Variants in SERPINB6 observed in about 807,000 individuals in gnomAD.
SERPINB6 encodes serpin B6.
Under a neutral mutation model 26.1 loss-of-function variants are expected in SERPINB6, and 16 were observed. The observed-to-expected ratio is 0.61, with a 90% CI of 0.42 to 0.93. The LOEUF is 0.93. Among genes scored for constraint, SERPINB6 ranks in the 40% least tolerant of loss-of-function variants. The pLI, the probability that SERPINB6 is intolerant of heterozygous loss-of-function variation, is 0.00. For synonymous variants in SERPINB6, 174 were observed against 176.6 expected (o/e 0.99, Z 0.11); for missense variants, 420 against 478.0 (o/e 0.88, Z 1.13).
chr6:2,968,855 C>T, intron 1 of SERPINB6: 9 of 1,231,238 alleles, frequency 7.3e-6, no homozygotes, highest in Non-Finnish European at 9.1e-6. Context: ...GGATCAGCAG[C>T]TTTTTTGTCC....
chr6:2,953,986 C>T (rs1488584387), intron 4 of SERPINB6, among the ~76,000 whole-genome samples: 2 of 151,900 alleles, frequency 1.3e-5, no homozygotes, highest in African/African-American at 2.4e-5. Context: ...GCCAAGATTG[C>T]ACCATTGCAC....
chr6:2,953,015 C>A (rs760730670), intron 5 of SERPINB6, 29 bp downstream of exon 5: 2 of 1,613,754 alleles, frequency 1.2e-6, no homozygotes, highest in East Asian at 2.2e-5. Flanking sequence ...TGAACACAGG[C>A]GCTGCTCCTG....
At chr6:2,965,344 G>A (rs1022214181) in intron 1 of SERPINB6, among the ~76,000 whole-genome samples, 2 of 152,166 alleles carry the variant, frequency 1.3e-5, no homozygotes, top group African/African-American at 2.4e-5. Flanking sequence ...CTTTCACGCC[G>A]AAGAGAAATG....
chr6:2,948,345 T>A lies in SERPINB6; in HGVS notation c.1084A>T (p.Ser362Cys). 1.2e-6 allele frequency: 2 copies of A among 1,614,106 alleles called. No individual in the cohort carries two copies. Among genetic ancestry groups the A allele is most frequent in the Non-Finnish European group, 1.7e-6 (2 of 1,180,016 alleles). ...CAGAAGAGAATCCCGTTGGTCTTGCTGTGCTGGATGAAGAAAAGGAAGGGG... is the reference window on the plus strand; with the variant it reads ...CAGAAGAGAATCCCGTTGGTCTTGCAGTGCTGGATGAAGAAAAGGAAGGGG... Reference protein sequence around the residue: ...DHPFLFFIQHSKTNGILFCGR... With the variant: ...DHPFLFFIQHCKTNGILFCGR... The change falls in exon 7 of 7, where the codon AGC becomes TGC. Residue 362 changes from serine (S) to cysteine (C), a missense_variant. Ser to Cys is a moderately radical substitution (Grantham distance 112). Coordinates refer to ENST00000380539, the MANE Select transcript of SERPINB6 (RefSeq NM_004568.6). The surrounding 1 kb of genome is among the most constrained non-coding windows in gnomAD (Gnocchi z 5.0).
Position 2,948,803 on chromosome 6 carries a change from T to A in SERPINB6, c.730-104A>T. On this transcript the variant is annotated intron_variant, in intron 6 of 6. Transcript: ENST00000380539. The surrounding 1 kb of genome is among the most constrained non-coding windows in gnomAD (Gnocchi z 5.0). Reference sequence around the variant, plus strand: ...GACACCAGTGGCAGCGTGGCTATGGTCAGCAGCGCTCCAGTGTTAAACGGC... The same window carrying A: ...GACACCAGTGGCAGCGTGGCTATGGACAGCAGCGCTCCAGTGTTAAACGGC... The A allele has an allele frequency of 6.4e-7, 1 of 1,564,468 alleles. No individual in the cohort carries two copies. Among genetic ancestry groups the A allele is most frequent in the East Asian group, 2.2e-5 (1 of 44,638 alleles).
At chr6:2,950,510 G>A (rs1326641872) in intron 5 of SERPINB6, among the ~76,000 whole-genome samples, 7 of 142,684 alleles carry the variant, frequency 4.9e-5, no homozygotes, top group Non-Finnish European at 4.5e-5. Context: ...TCCAGCCTGG[G>A]AGACAGACCG....
At chr6:2,963,743 G>A (rs1771361219) in intron 1 of SERPINB6, 1 of 152,262 alleles carries the variant, frequency 6.6e-6, no homozygotes, top group Non-Finnish European at 1.5e-5. Flanking sequence ...GATAAGCCAT[G>A]TTCCACCCCA....
At chr6:2,959,682 A>T in intron 1 of SERPINB6, 1 of 371,098 alleles carries the variant, frequency 2.7e-6, no homozygotes, top group South Asian at 2.5e-5. Flanking sequence ...TTTTGCTTCT[A>T]TGTTTGTATT....
rs1581223374 is a variant in SERPINB6 at position 2,948,291 on chromosome 6, C to T, written c.*7G>A. ...GAGAGGGGCTGCACACCAAGACTGC[C>T]CTGTCCTCACGGAGAGGAAAAGCGG... On this transcript the variant is annotated 3_prime_UTR_variant, in exon 7 of 7. Transcript: ENST00000380539. The surrounding 1 kb of genome is among the most constrained non-coding windows in gnomAD (Gnocchi z 5.0). 6.2e-7 allele frequency: 1 copy of T among 1,613,104 alleles called. No homozygotes were observed. Among genetic ancestry groups the T allele is most frequent in the Non-Finnish European group, 8.5e-7 (1 of 1,179,944 alleles).
chr6:2,948,713 G>A lies in SERPINB6; in HGVS notation c.730-14C>T, dbSNP rs746359002. 3.7e-6 allele frequency: 6 copies of A among 1,613,584 alleles called. No individual in the cohort carries two copies. Among genetic ancestry groups the A allele is most frequent in the Middle Eastern group, 3.3e-4 (2 of 6,082 alleles). ...TTCTTTCTCCACCTAGAGGGAGACAGTTGAAGACTTTAAGACCCAGGGTGC... is the reference window on the plus strand; with the variant it reads ...TTCTTTCTCCACCTAGAGGGAGACAATTGAAGACTTTAAGACCCAGGGTGC... On this transcript the variant is annotated splice_polypyrimidine_tract_variant and intron_variant, in intron 6 of 6. Coordinates refer to ENST00000380539, the MANE Select transcript of SERPINB6 (RefSeq NM_004568.6). The surrounding 1 kb of genome is among the most constrained non-coding windows in gnomAD (Gnocchi z 5.0).
Position 2,948,967 on chromosome 6 carries a change from T to C in SERPINB6, c.676A>G (p.Lys226Glu), listed in dbSNP as rs752487540. The C allele has an allele frequency of 6.2e-7, 1 of 1,614,250 alleles. No individual in the cohort carries two copies. Among genetic ancestry groups the C allele is most frequent in the Non-Finnish European group, 8.5e-7 (1 of 1,180,046 alleles). ...TQILVLPYVG[K>E]ELNMIIMLPD... ...AGCATGATGATCATATTCAGTTCCT[T>C]GCCAACATATGGAAGCACCAAGATT... The change falls in exon 6 of 7, where the codon AAG (lysine) becomes GAG (glutamate). Residue 226 changes from lysine (K) to glutamate (E), a missense_variant. Transcript: ENST00000380539. This position sits in a 1 kb window ranked among gnomAD's most constrained non-coding sequence, Gnocchi z 5.0.
chr6:2,966,528 G>A (rs1292035264), intron 1 of SERPINB6: 7 of 409,074 alleles, frequency 1.7e-5, no homozygotes, highest in South Asian at 1.0e-4. Context: ...CAGTGGCAGC[G>A]TTGGAGTCTT....
chr6:2,968,620 T>TG, intron 1 of SERPINB6: 3 of 1,221,738 alleles, frequency 2.5e-6, no homozygotes, highest in Non-Finnish European at 3.1e-6. Flanking sequence ...TTCCCTGCGC[T>TG]GCCTATCTCT....
intron 5 of SERPINB6, among the ~76,000 whole-genome samples, chr6:2,952,036 A>T (rs1352757930): frequency 1.3e-5 from 2 of 152,174 alleles, no homozygotes; most frequent in African/African-American, 4.8e-5. Flanking sequence ...CCCAGGTCTC[A>T]CCTGCCTCCA....
At chr6:2,965,341 G>A (rs947285391) in intron 1 of SERPINB6, among the ~76,000 whole-genome samples, 1 of 152,150 alleles carries the variant, frequency 6.6e-6, no homozygotes, top group African/African-American at 2.4e-5. Context: ...CGACTTTCAC[G>A]CCGAAGAGAA....
intron 1 of SERPINB6, chr6:2,968,872 C>T (rs1771872866): frequency 6.5e-6 from 8 of 1,230,742 alleles, no homozygotes; most frequent in Non-Finnish European, 8.1e-6. Context: ...GTCCGGGAAC[C>T]AGCAAATGGG....
At chr6:2,969,644 G>T in intron 1 of SERPINB6, 1 of 984,476 alleles carries the variant, frequency 1.0e-6, no homozygotes, top group Non-Finnish European at 1.2e-6. Flanking sequence ...TGTCACTATT[G>T]AATTGTGCTT....
chr6:2,948,321 A>G lies in SERPINB6; in HGVS notation c.1108T>C (p.Cys370Arg). The change falls in exon 7 of 7, where the codon TGC becomes CGC. Residue 370 changes from cysteine to arginine, a missense_variant. Physicochemically the swap from Cys to Arg is radical, Grantham distance 180. Transcript: ENST00000380539. This position sits in a 1 kb window ranked among gnomAD's most constrained non-coding sequence, Gnocchi z 5.0. Reference sequence around the variant, plus strand: ...CCTCACGGAGAGGAAAAGCGGCCGCAGAAGAGAATCCCGTTGGTCTTGCTG... The same window carrying G: ...CCTCACGGAGAGGAAAAGCGGCCGCGGAAGAGAATCCCGTTGGTCTTGCTG... ...QHSKTNGILF[C>R]GRFSSP 9 of 1,613,988 alleles carry G rather than the reference A, an allele frequency of 5.6e-6. No homozygotes were observed. The highest frequency in any genetic ancestry group is 7.6e-6 in the Non-Finnish European group (9 of 1,180,008).
At chr6:2,965,288 A>G (rs1400931269) in intron 1 of SERPINB6, among the ~76,000 whole-genome samples, 3 of 152,146 alleles carry the variant, frequency 2.0e-5, no homozygotes. Context: ...TACCAGCTGC[A>G]TTTTCCTCTC....
Sources: gnomAD v4.1 joint callset for allele counts (sites outside exome capture counted in the v4.1 genomes callset) on GRCh38, gnomAD v4.1.1 for gene constraint, Gnocchi (gnomAD v3.1) non-coding constraint, MANE v1.5 for transcripts, NCBI Gene and HGNC (gene_info 2026-07-23, HGNC 2026-07-21) for gene names.